NHSL3: variants seen among roughly 807,000 people sequenced by gnomAD.
NHSL3 encodes the protein NHS like 3.
At chr1:32,765,868 T>A in the NHSL3 span, 1 of 1,507,848 alleles carries the variant, frequency 6.6e-7, no homozygotes, top group South Asian at 1.2e-5. Context: ...GGATGCTCGA[T>A]GCCTCCCTTT....
the NHSL3 span, chr1:32,767,750 C>G: frequency 6.4e-7 from 1 of 1,569,502 alleles, no homozygotes; most frequent in Non-Finnish European, 8.6e-7. Context: ...GGCCCAGATG[C>G]CTTTACCTCA....
chr1:32,747,844 C>T, the NHSL3 span, among the ~76,000 whole-genome samples: 7 of 152,092 alleles, frequency 4.6e-5, no homozygotes, highest in Admixed American at 2.6e-4. Context: ...CAGTGGCTCA[C>T]GCCTGTAATC....
the NHSL3 span, among the ~76,000 whole-genome samples, chr1:32,749,404 A>C: frequency 3.9e-5 from 6 of 152,170 alleles, no homozygotes; most frequent in Non-Finnish European, 8.8e-5. Flanking sequence ...GATGATAGGT[A>C]ATGCTCCAGT....
At chr1:32,758,899 C>T in the NHSL3 span, among the ~76,000 whole-genome samples, 37 of 152,232 alleles carry the variant, frequency 2.4e-4, no homozygotes, top group Non-Finnish European at 4.9e-4. Context: ...CCTTCCCAAA[C>T]TGAGGGGTTA....
chr1:32,771,873 TC>T, the NHSL3 span: 2 of 1,591,058 alleles, frequency 1.3e-6, no homozygotes, highest in East Asian at 2.3e-5. Context: ...CAGGAGGGGC[TC>T]CCACCCCAGC....
At chr1:32,770,375 T>C in the NHSL3 span, 1 of 1,608,876 alleles carries the variant, frequency 6.2e-7, no homozygotes, top group South Asian at 1.1e-5. The surrounding 1 kb of genome is among the most constrained non-coding windows in gnomAD (Gnocchi z 8.3). Flanking sequence ...TTCTCCTCCG[T>C]CTCCAGCCCA....
At chr1:32,772,896 C>T in the NHSL3 span, 1 of 1,614,004 alleles carries the variant, frequency 6.2e-7, no homozygotes, top group Admixed American at 1.7e-5. Flanking sequence ...GACCACCAGG[C>T]ACCTCACTGG....
chr1:32,769,817 G>A, the NHSL3 span: 6 of 1,611,348 alleles, frequency 3.7e-6, no homozygotes, highest in South Asian at 6.6e-5. Context: ...GCAGTGGTGG[G>A]GTGGGTGGGG....
At chr1:32,748,002 C>T in the NHSL3 span, among the ~76,000 whole-genome samples, 1 of 152,082 alleles carries the variant, frequency 6.6e-6, no homozygotes. Context: ...CCAGGCTACT[C>T]GGGAGGCTGA....
the NHSL3 span, chr1:32,771,139 C>G: frequency 6.2e-7 from 1 of 1,612,902 alleles, no homozygotes; most frequent in Non-Finnish European, 8.5e-7. Context: ...ATTGACCCCC[C>G]TGGGTGACAG....
At chr1:32,770,873 G>T in the NHSL3 span, 1 of 1,608,886 alleles carries the variant, frequency 6.2e-7, no homozygotes, top group Non-Finnish European at 8.5e-7. This position sits in a 1 kb window ranked among gnomAD's most constrained non-coding sequence, Gnocchi z 8.3. Flanking sequence ...TTGTCTCCGG[G>T]TGGTTCCCGG....
chr1:32,771,068 T>A, the NHSL3 span: 1 of 1,612,012 alleles, frequency 6.2e-7, no homozygotes, highest in Non-Finnish European at 8.5e-7. Context: ...TCCTCTTCCC[T>A]CACGTCTTTA....
the NHSL3 span, chr1:32,754,307 A>AC: frequency 3.5e-6 from 2 of 571,324 alleles, no homozygotes. Context: ...CCCCGCGCAG[A>AC]CCCCACCCCT....
At chr1:32,768,778 GGATTCATGGGCAGGGGA>G in the NHSL3 span, 16 of 1,613,430 alleles carry the variant, frequency 9.9e-6, no homozygotes, top group African/African-American at 1.3e-5. Flanking sequence ...GCGCAAAGGT[GGATTCATGGGCAGGGGA>G]GAGGGACAGT....
the NHSL3 span, chr1:32,774,156 C>T: frequency 2.0e-5 from 3 of 152,700 alleles, no homozygotes; most frequent in Non-Finnish European, 1.5e-5. Flanking sequence ...TCCACAGCAG[C>T]GTGGCTGCCC....
chr1:32,771,090 C>T, the NHSL3 span: 8 of 1,613,880 alleles, frequency 5.0e-6, no homozygotes, highest in Admixed American at 1.7e-5. Flanking sequence ...GTTCCTCCTC[C>T]TCTGACCCAG....
At chr1:32,742,120 G>A in the NHSL3 span, 1 of 1,246,916 alleles carries the variant, frequency 8.0e-7, no homozygotes, top group Non-Finnish European at 1.0e-6. Flanking sequence ...GGCCGAGGGC[G>A]CCGAACCGGC....
chr1:32,745,537 G>A, the NHSL3 span, among the ~76,000 whole-genome samples: 9 of 139,922 alleles, frequency 6.4e-5, no homozygotes, highest in East Asian at 2.1e-4. Flanking sequence ...CAGCCTGGGC[G>A]ACAGAGCGAG....
At chr1:32,744,583 A>C in the NHSL3 span, among the ~76,000 whole-genome samples, 1 of 152,202 alleles carries the variant, frequency 6.6e-6, no homozygotes, top group African/African-American at 2.4e-5. Flanking sequence ...TACAGATGGG[A>C]AATGGCCCAG....
Sources: gnomAD v4.1 joint callset for allele counts (sites outside exome capture counted in the v4.1 genomes callset) on GRCh38, gnomAD v4.1.1 for gene constraint, Gnocchi (gnomAD v3.1) non-coding constraint, MANE v1.5 for transcripts, NCBI Gene and HGNC (gene_info 2026-07-23, HGNC 2026-07-21) for gene names.